Variants in STAB1 observed in about 807,000 individuals in gnomAD.
The protein encoded by STAB1 is stabilin-1.
A neutral mutation model predicts 332.4 loss-of-function variants in STAB1; 250 were observed. The ratio of observed to expected loss-of-function variants is 0.75; its 90% confidence interval spans 0.68 to 0.84. The LOEUF (loss-of-function observed/expected upper bound fraction) is 0.84, where lower values mean the gene tolerates loss of function less well. Ranked by LOEUF, STAB1 falls within the 40% of genes least tolerant of loss-of-function variation. The pLI is 0.00. For missense variants in STAB1, 3,249 were observed against 3,489.7 expected, an observed-to-expected ratio of 0.93 and a Z score of 1.74; for synonymous variants, 1,475 against 1,390.4, an observed-to-expected ratio of 1.06 and a Z score of -1.35.
rs1392335016 is a variant in STAB1, at chr3:52,505,795, G to A, written c.1695+14G>A. On this transcript the variant is annotated intron_variant, in intron 15 of 68. Coordinates refer to ENST00000321725, the MANE Select transcript of STAB1 (RefSeq NM_015136.3). ...CTCTTCACAGCGGTAAGCTCAGCGG[G>A]AGAAGGGGCTGCGGGTATGGGGGCA... The A allele has an allele frequency of 6.2e-7, 1 of 1,613,730 alleles. No individual in the cohort carries two copies. Among genetic ancestry groups the A allele is most frequent in the African/African-American group, 1.3e-5 (1 of 74,942 alleles).
In STAB1 at chr3:52,513,171, C is replaced by A; in HGVS notation, c.3200C>A (p.Ala1067Asp). The A allele has an allele frequency of 6.3e-7, 1 of 1,582,656 alleles. No individual in the cohort carries two copies. Among genetic ancestry groups the A allele is most frequent in the Non-Finnish European group, 8.6e-7 (1 of 1,164,780 alleles). ...GGTGCCCTCTTCGAGGAGGAGCTGG[C>A]CCGGCTGGGTGGGCAGGAAGTGGCC... ...LQGALFEEEL[A>D]RLGGQEVATL... The change falls in exon 30 of 69, where the codon GCC (alanine) becomes GAC (aspartate). Residue 1067 changes from alanine (A) to aspartate (D), a missense_variant. By Grantham distance (126) the Ala-to-Asp change is moderately radical. Coordinates refer to ENST00000321725, the MANE Select transcript of STAB1 (RefSeq NM_015136.3).
intron 30 of STAB1, 131 bp downstream of exon 30, chr3:52,513,372 G>A: frequency 2.2e-6 from 2 of 900,870 alleles, no homozygotes; most frequent in East Asian, 2.6e-5. Context: ...CCCAGAGCCG[G>A]GCTCAAAGGA....
chr3:52,520,620 T>C (rs754800922), intron 53 of STAB1, 22 bp from the exon 54 acceptor site: 11 of 1,612,710 alleles, frequency 6.8e-6, no homozygotes, highest in Non-Finnish European at 9.3e-6. Context: ...GACTTTGCTG[T>C]ATTGGCCTCC....
chr3:52,501,913 G>T, intron 3 of STAB1, 93 bp from the exon 4 acceptor site: 1 of 1,517,048 alleles, frequency 6.6e-7, no homozygotes, highest in Non-Finnish European at 9.1e-7. Context: ...GCTTCCTTGG[G>T]GGAGGGGCCG....
intron 1 of STAB1, 151 bp from the exon 2 acceptor site, chr3:52,501,015 C>A: frequency 8.7e-7 from 1 of 1,147,616 alleles, no homozygotes; most frequent in Non-Finnish European, 1.2e-6. Flanking sequence ...CCAAAGAACT[C>A]AGCTCTGTGC....
At chr3:52,512,472 G>A in intron 27 of STAB1, 36 bp downstream of exon 27, 2 of 1,609,410 alleles carry the variant, frequency 1.2e-6, no homozygotes, top group Admixed American at 3.4e-5. Context: ...TGTCTTCCCC[G>A]TGCTTGGGAA....
intron 1 of STAB1, among the ~76,000 whole-genome samples, chr3:52,497,456 G>A (rs989502511): frequency 3.0e-4 from 38 of 125,912 alleles, no homozygotes; most frequent in Non-Finnish European, 3.9e-4. Context: ...TCTGTTGTCC[G>A]GGCTGCATTA....
intron 50 of STAB1, 76 bp from the exon 51 acceptor site, chr3:52,519,868 G>A (rs1483526657): frequency 5.4e-6 from 8 of 1,481,998 alleles, no homozygotes; most frequent in Non-Finnish European, 7.2e-6. Flanking sequence ...TTCCTGCTCT[G>A]TGGCACAGCC....
In STAB1 at chr3:52,512,584, C is replaced by T; in HGVS notation, c.2980-12C>T. ...CCTGGTCCTGTGACCTCAGACTTTT[C>T]CCTTCCCTTAGGAGCTGGAGGCAAA... On this transcript the variant is annotated splice_polypyrimidine_tract_variant and intron_variant, in intron 27 of 68. Coordinates refer to ENST00000321725, the MANE Select transcript of STAB1 (RefSeq NM_015136.3). The T allele has an allele frequency of 1.2e-6, 2 of 1,613,908 alleles. No individual in the cohort carries two copies. Among genetic ancestry groups the T allele is most frequent in the South Asian group, 2.2e-5 (2 of 91,086 alleles).
Position 52,506,711 on chromosome 3 carries a change from C to A in STAB1, c.1850C>A (p.Pro617His), listed in dbSNP as rs753322958. The part of the protein sequence containing the change: ...ISEEGRILLG[P>H]EGVPLQRVDV... ...CCGCAGGGGCGCATCCTGCTGGGAC[C>A]CGAGGGGGTCCCGCTGCAGAGGGTA... Residue 617 changes from proline (P) to histidine (H), a missense_variant, in exon 18 of 69, where the codon CCC becomes CAC. Coordinates refer to ENST00000321725, the MANE Select transcript of STAB1 (RefSeq NM_015136.3). The A allele has an allele frequency of 1.2e-6, 2 of 1,611,788 alleles. No homozygotes were observed. The highest frequency in any genetic ancestry group is 1.7e-6 in the Non-Finnish European group (2 of 1,179,432).
intron 14 of STAB1, 65 bp from the exon 15 acceptor site, chr3:52,505,603 C>G (rs1465989425): frequency 1.3e-6 from 2 of 1,521,740 alleles, no homozygotes; most frequent in Admixed American, 3.7e-5. Context: ...GTGGCAGGGC[C>G]CAGGCAGGAC....
At position 52,505,780 on chromosome 3, in the gene STAB1, C is replaced by A. The variant is rs371576116; in HGVS notation, c.1694C>A (p.Ala565Glu). ...RDGRLIYLFTAGLSKLQELVR... is the reference protein window; with the variant it reads ...RDGRLIYLFTEGLSKLQELVR... ...GGCCGCCTGATCTACCTCTTCACAG[C>A]GGTAAGCTCAGCGGGAGAAGGGGCT... Residue 565 changes from alanine (A) to glutamate (E), a missense_variant and splice_region_variant, in exon 15 of 69, where the codon GCG (alanine) becomes GAG (glutamate). By Grantham distance (107) the Ala-to-Glu change is moderately radical. Transcript: ENST00000321725. 6 of 1,613,830 alleles carry A rather than the reference C, an allele frequency of 3.7e-6. No individual in the cohort carries two copies. Among genetic ancestry groups the A allele is most frequent in the East Asian group, 2.2e-5 (1 of 44,892 alleles).
Position 52,520,067 on chromosome 3 carries a change from C to G in STAB1, c.5359C>G (p.His1787Asp). Reference protein sequence around the residue: ...DRQAWLYHEDHRDKLAAILRG... With the variant: ...DRQAWLYHEDDRDKLAAILRG... ...CCAGGCCTGGCTGTACCATGAGGAC[C>G]ACCGTGACAAGCTAGCAGCCATTCT... The change falls in exon 51 of 69, where the codon CAC (histidine) becomes GAC (aspartate). Residue 1787 changes from histidine (H) to aspartate (D), a missense_variant. Transcript: ENST00000321725. 2.5e-6 allele frequency: 4 copies of G among 1,612,570 alleles called. No homozygotes were observed. Among genetic ancestry groups the G allele is most frequent in the Non-Finnish European group, 3.4e-6 (4 of 1,179,774 alleles).
chr3:52,501,763 A>G lies in STAB1; in HGVS notation c.331+10A>G. Reference sequence around the variant, plus strand: ...GGTTCCCGGTGCCATGGTATGGGAGAAAGGGGGACCCCGCCTTGCGCCTCC... The same window carrying G: ...GGTTCCCGGTGCCATGGTATGGGAGGAAGGGGGACCCCGCCTTGCGCCTCC... On this transcript the variant is annotated intron_variant, in intron 3 of 68. Coordinates refer to ENST00000321725, the MANE Select transcript of STAB1 (RefSeq NM_015136.3). 1 of 1,553,492 alleles carries G rather than the reference A, an allele frequency of 6.4e-7. No homozygotes were observed. The highest frequency in any genetic ancestry group is 8.7e-7 in the Non-Finnish European group (1 of 1,148,884).
At chr3:52,509,615 G>C (rs1323740292) in intron 22 of STAB1, 3 of 596,800 alleles carry the variant, frequency 5.0e-6, no homozygotes, top group Non-Finnish European at 8.9e-6. Context: ...CGGGACTTAG[G>C]TCAGACACAC....
chr3:52,517,026 A>C lies in STAB1; in HGVS notation c.4406A>C (p.His1469Pro). 1.9e-6 allele frequency: 3 copies of C among 1,608,304 alleles called. No homozygotes were observed. Among genetic ancestry groups the C allele is most frequent in the Non-Finnish European group, 2.5e-6 (3 of 1,177,762 alleles). ...CACGGCCATGGGGGCTGCTCCCCTC[A>C]TGCCAACTGTACCAAGGTGGCACCT... ...CAHGHGGCSP[H>P]ANCTKVAPGQ... Residue 1469 changes from histidine (H) to proline (P), a missense_variant, in exon 42 of 69, where the codon CAT becomes CCT. Physicochemically the swap from His to Pro is moderately conservative, Grantham distance 77. Coordinates refer to ENST00000321725, the MANE Select transcript of STAB1 (RefSeq NM_015136.3).
Position 52,505,134 on chromosome 3 carries a change from G to T in STAB1, c.1509G>T (p.Gly503=). 1 of 1,613,018 alleles carries T rather than the reference G, an allele frequency of 6.2e-7. No individual in the cohort carries two copies. Among genetic ancestry groups the T allele is most frequent in the Non-Finnish European group, 8.5e-7 (1 of 1,179,860 alleles). Residue 503 remains glycine (G), a synonymous_variant, in exon 13 of 69, where the codon GGG becomes GGT. Coordinates refer to ENST00000321725, the MANE Select transcript of STAB1 (RefSeq NM_015136.3). The part of the protein sequence containing the change: ...LRWQAPSGTP[G]DPKRTIGQIL... Reference sequence around the variant, plus strand: ...GGCAGGCCCCCTCTGGGACCCCTGGGGATCCCAAGGTGAGCCAGCATCCTC... The same window carrying T: ...GGCAGGCCCCCTCTGGGACCCCTGGTGATCCCAAGGTGAGCCAGCATCCTC...
chr3:52,507,149 A>G (rs1708936283), intron 18 of STAB1, among the ~76,000 whole-genome samples: 1 of 152,210 alleles, frequency 6.6e-6, no homozygotes, highest in South Asian at 2.1e-4. Flanking sequence ...GGTTCAAGCG[A>G]TTCTCCTGCC....
Position 52,502,053 on chromosome 3 carries a change from T to C in STAB1, c.379T>C (p.Leu127=). ...ETPCNGHGTC[L]DGMDRNGTCV... ...CCCATGCAATGGCCACGGGACCTGC[T>C]TGGATGGCATGGACAGGAATGGGAC... The change falls in exon 4 of 69, where the codon TTG becomes CTG. Residue 127 remains leucine, a synonymous_variant. Coordinates refer to ENST00000321725, the MANE Select transcript of STAB1 (RefSeq NM_015136.3). The C allele has an allele frequency of 6.2e-7, 1 of 1,613,440 alleles. No individual in the cohort carries two copies. Among genetic ancestry groups the C allele is most frequent in the Non-Finnish European group, 8.5e-7 (1 of 1,179,974 alleles).
Sources: allele counts gnomAD v4.1 joint callset (sites outside exome capture counted in the v4.1 genomes callset), GRCh38; gene constraint gnomAD v4.1.1; transcripts MANE v1.5; gene names NCBI Gene and HGNC (gene_info 2026-07-23, HGNC 2026-07-21).